BOLL: variants seen among roughly 807,000 people sequenced by gnomAD.
The protein encoded by BOLL is protein boule-like.
BOLL carries 23 observed loss-of-function variants against 44.4 expected under a neutral mutation model. The observed-to-expected ratio is 0.52, with a 90% CI of 0.37 to 0.73. BOLL has a LOEUF of 0.73. BOLL is among the 30% of genes least tolerant of loss of function. The pLI is 0.00. For missense variants in BOLL, 287 were observed against 338.3 expected, an observed-to-expected ratio of 0.85 and a Z score of 1.19; for synonymous variants, 97 against 110.8, an observed-to-expected ratio of 0.88 and a Z score of 0.78.
chr2:197,728,608 G>T, intron 10 of BOLL, 30 bp from the exon 11 acceptor site: 1 of 1,483,804 alleles, frequency 6.7e-7, no homozygotes. Context: ...TATAGATCAG[G>T]AAGACTGAAT....
At chr2:197,742,136 A>C (rs1319302732) in intron 10 of BOLL, among the ~76,000 whole-genome samples, 2 of 152,232 alleles carry the variant, frequency 1.3e-5, no homozygotes, top group Non-Finnish European at 2.9e-5. Context: ...ACCAGTTAGA[A>C]TGGCGATCAT....
At chr2:197,776,019 A>G (rs1419123593) in intron 4 of BOLL, among the ~76,000 whole-genome samples, 2 of 151,898 alleles carry the variant, frequency 1.3e-5, no homozygotes, top group African/African-American at 4.8e-5. Context: ...TAATCCTAAA[A>G]TTAATATTTG....
chr2:197,736,414 G>T (rs554941684), intron 10 of BOLL, among the ~76,000 whole-genome samples: 1 of 152,072 alleles, frequency 6.6e-6, no homozygotes, highest in East Asian at 1.9e-4. Flanking sequence ...AACAGAAAAA[G>T]AACATAAGTG....
At chr2:197,776,146 G>T (rs1689499199) in intron 4 of BOLL, among the ~76,000 whole-genome samples, 1 of 151,876 alleles carries the variant, frequency 6.6e-6, no homozygotes, top group Non-Finnish European at 1.5e-5. Flanking sequence ...TTGTTCCAGT[G>T]CTCATACTCT....
intron 6 of BOLL, among the ~76,000 whole-genome samples, chr2:197,769,888 A>C (rs1266241542): frequency 6.6e-6 from 1 of 152,174 alleles, no homozygotes; most frequent in Non-Finnish European, 1.5e-5. Context: ...GTGCTCATGG[A>C]TAGGAAGAAT....
At chr2:197,785,498 GC>G, upstream of BOLL, 2 of 620,368 alleles carry the variant, frequency 3.2e-6, no homozygotes, top group Non-Finnish European at 4.1e-6. This position sits in a 1 kb window ranked among gnomAD's most constrained non-coding sequence, Gnocchi z 6.7. Context: ...TCCCGCCTGG[GC>G]CACAGGCGGG....
chr2:197,742,462 C>T (rs567811895), intron 10 of BOLL, among the ~76,000 whole-genome samples: 14 of 152,304 alleles, frequency 9.2e-5, no homozygotes, highest in Admixed American at 1.3e-4. Flanking sequence ...GGCAGATATA[C>T]ACCTCGGAAT....
upstream of BOLL, chr2:197,785,418 C>T (rs1690031422): frequency 3.2e-5 from 31 of 979,780 alleles, no homozygotes; most frequent in Non-Finnish European, 3.5e-5. This position sits in a 1 kb window ranked among gnomAD's most constrained non-coding sequence, Gnocchi z 6.7. Flanking sequence ...CCTGTGCGGG[C>T]AGTCCTCCTT....
At chr2:197,767,719 G>A (rs915150043) in intron 6 of BOLL, among the ~76,000 whole-genome samples, 1 of 151,890 alleles carries the variant, frequency 6.6e-6, no homozygotes, top group Non-Finnish European at 1.5e-5. Context: ...CAGTGCACAG[G>A]ACAGACCTTC....
intron 10 of BOLL, among the ~76,000 whole-genome samples, chr2:197,740,092 G>C (rs1208652514): frequency 6.6e-6 from 1 of 152,082 alleles, no homozygotes; most frequent in Non-Finnish European, 1.5e-5. Context: ...TCAAAATTAT[G>C]GTTTTATTTC....
At chr2:197,778,007 G>A (rs1689596527) in intron 3 of BOLL, among the ~76,000 whole-genome samples, 1 of 151,846 alleles carries the variant, frequency 6.6e-6, no homozygotes, top group Non-Finnish European at 1.5e-5. Context: ...CCACCCAGTG[G>A]AAAAGGCATA....
At chr2:197,730,834 A>C (rs576037579) in intron 10 of BOLL, among the ~76,000 whole-genome samples, 3,792 of 152,272 alleles carry the variant, frequency 0.025, 72 homozygotes, top group Non-Finnish European at 0.037. Context: ...GGAAAGGAAC[A>C]ACCGGTACCA....
intron 10 of BOLL, among the ~76,000 whole-genome samples, chr2:197,731,669 A>T (rs1216445609): frequency 6.6e-6 from 1 of 151,530 alleles, no homozygotes; most frequent in Non-Finnish European, 1.5e-5. Flanking sequence ...CTCACTCAAA[A>T]CTGCTCAAAT....
chr2:197,756,636 A>G, intron 8 of BOLL, 80 bp from the exon 9 acceptor site: 1 of 1,334,708 alleles, frequency 7.5e-7, no homozygotes, highest in Non-Finnish European at 1.0e-6. Flanking sequence ...AACAGATGAG[A>G]GAAGTACTTG....
intron 10 of BOLL, among the ~76,000 whole-genome samples, chr2:197,738,344 T>C (rs1175871716): frequency 6.6e-6 from 1 of 152,150 alleles, no homozygotes; most frequent in Non-Finnish European, 1.5e-5. Context: ...CCTCCCAAAG[T>C]GCTGGGGTTC....
chr2:197,781,717 G>A lies in BOLL; in HGVS notation c.129+5C>T, dbSNP rs754292268. The A allele has an allele frequency of 2.6e-6, 4 of 1,535,662 alleles. No individual in the cohort carries two copies. Among genetic ancestry groups the A allele is most frequent in the Middle Eastern group, 1.7e-4 (1 of 5,776 alleles). On this transcript the variant is annotated splice_donor_5th_base_variant and intron_variant, in intron 2 of 10. Coordinates refer to ENST00000392296, the MANE Select transcript of BOLL (RefSeq NM_033030.6). ...ATACACTTTACTGCATGCATAAATA[G>A]GTACCTTAAAATCAATTCCTCCTAC...
rs1574783016 is a variant in BOLL at position 197,726,919 on chromosome 2, C to G, written c.*1636G>C. ...ATAATACATAATTAATTTTTATTAACAGTCCAGGATTTGTTTAGCATCTTG... is the reference window on the plus strand; with the variant it reads ...ATAATACATAATTAATTTTTATTAAGAGTCCAGGATTTGTTTAGCATCTTG... On this transcript the variant is annotated 3_prime_UTR_variant, in exon 11 of 11. Transcript: ENST00000392296. The G allele has an allele frequency of 6.6e-6, 1 of 152,670 alleles. No homozygotes were observed. The highest frequency in any genetic ancestry group is 2.4e-5 in the African/African-American group (1 of 41,550). The allele number at this position is 152,670 out of a possible 1,614,324, so 9.5% of individuals were successfully genotyped here.
intron 4 of BOLL, among the ~76,000 whole-genome samples, chr2:197,776,837 T>G (rs914939669): frequency 3.9e-5 from 6 of 151,968 alleles, no homozygotes; most frequent in Non-Finnish European, 8.8e-5. Flanking sequence ...AAGTTCTTAA[T>G]TTAAGTAAAT....
At chr2:197,778,910 C>G in intron 3 of BOLL, 65 bp downstream of exon 3, 1 of 1,408,136 alleles carries the variant, frequency 7.1e-7, no homozygotes, top group Non-Finnish European at 9.8e-7. Context: ...AACTGGCGTA[C>G]AAAACCTAGT....
Sources: gnomAD v4.1 joint callset for allele counts (sites outside exome capture counted in the v4.1 genomes callset) on GRCh38, gnomAD v4.1.1 for gene constraint, Gnocchi (gnomAD v3.1) non-coding constraint, MANE v1.5 for transcripts, NCBI Gene and HGNC (gene_info 2026-07-23, HGNC 2026-07-21) for gene names.